The following ANTXR2 variants were observed in gnomAD, a reference collection of about 807,000 sequenced individuals.
The protein encoded by ANTXR2 is ANTXR cell adhesion molecule 2, also known as anthrax toxin receptor 2.
In ANTXR2, 44 loss-of-function variants were observed where a neutral mutation model predicts 73.7. That is an observed-to-expected ratio of 0.60 (90% CI 0.47 to 0.77). The LOEUF (loss-of-function observed/expected upper bound fraction) is 0.77, where lower values mean the gene tolerates loss of function less well. ANTXR2 is among the 30% of genes least tolerant of loss of function. The pLI is 0.00. For synonymous variants in ANTXR2, 217 were observed against 205.9 expected (o/e 1.05, Z -0.46); for missense variants, 604 against 592.5 (o/e 1.02, Z -0.20).
At chr4:80,002,524 C>A (rs1731096594) in intron 12 of ANTXR2, among the ~76,000 whole-genome samples, 1 of 151,984 alleles carries the variant, frequency 6.6e-6, no homozygotes, top group Non-Finnish European at 1.5e-5. Context: ...TCTAAAACAC[C>A]AAAAGCAATG....
At chr4:80,068,129 G>A (rs1403821397) in intron 3 of ANTXR2, among the ~76,000 whole-genome samples, 3 of 152,028 alleles carry the variant, frequency 2.0e-5, no homozygotes, top group Non-Finnish European at 4.4e-5. Flanking sequence ...AATCTTATAC[G>A]GATAATTTTC....
intron 16 of ANTXR2, among the ~76,000 whole-genome samples, chr4:79,960,936 T>C (rs1313221320): frequency 1.3e-5 from 2 of 151,980 alleles, no homozygotes; most frequent in African/African-American, 2.4e-5. Context: ...CATTTATAAG[T>C]ACATTTTTAG....
At chr4:80,013,099 G>C (rs942971776) in intron 11 of ANTXR2, among the ~76,000 whole-genome samples, 2 of 152,116 alleles carry the variant, frequency 1.3e-5, no homozygotes, top group Non-Finnish European at 1.5e-5. Flanking sequence ...AGAAAAAAAA[G>C]GACATCTTTC....
At chr4:79,907,751 C>T (rs186082971) in intron 16 of ANTXR2, among the ~76,000 whole-genome samples, 14 of 152,184 alleles carry the variant, frequency 9.2e-5, no homozygotes, top group South Asian at 6.2e-4. Context: ...ATTACTATCA[C>T]GGCCATAAAA....
At chr4:79,926,811 G>C (rs1004363671) in intron 16 of ANTXR2, among the ~76,000 whole-genome samples, 5 of 151,764 alleles carry the variant, frequency 3.3e-5, no homozygotes, top group Admixed American at 3.3e-4. Context: ...CAGTAGCCAA[G>C]ATATGGAAAC....
intron 16 of ANTXR2, among the ~76,000 whole-genome samples, chr4:79,949,923 T>G (rs2109981007): frequency 1.3e-5 from 2 of 152,272 alleles, no homozygotes; most frequent in South Asian, 4.1e-4. Flanking sequence ...TTAATTATCA[T>G]CCAATATTTT....
At chr4:79,923,099 T>G (rs186710897) in intron 16 of ANTXR2, among the ~76,000 whole-genome samples, 1 of 152,156 alleles carries the variant, frequency 6.6e-6, no homozygotes, top group African/African-American at 2.4e-5. Flanking sequence ...CTTAAAAATA[T>G]TAGCTGAATG....
At chr4:80,052,299 T>C (rs1158223359) in intron 7 of ANTXR2, among the ~76,000 whole-genome samples, 1 of 151,694 alleles carries the variant, frequency 6.6e-6, no homozygotes, top group Non-Finnish European at 1.5e-5. Flanking sequence ...GATGGTACTA[T>C]GCAATTATAA....
At chr4:80,051,465 G>A (rs756395374) in intron 7 of ANTXR2, among the ~76,000 whole-genome samples, 2 of 151,614 alleles carry the variant, frequency 1.3e-5, no homozygotes, top group Non-Finnish European at 1.5e-5. Context: ...GGAAAAAAAG[G>A]AGAAAAAGAA....
chr4:80,010,122 T>G (rs921929004), intron 11 of ANTXR2, among the ~76,000 whole-genome samples: 9 of 151,928 alleles, frequency 5.9e-5, no homozygotes, highest in Non-Finnish European at 1.3e-4. Context: ...TACTAATACT[T>G]TATAGAAATT....
chr4:80,048,014 T>C (rs1675405483), intron 7 of ANTXR2, among the ~76,000 whole-genome samples: 1 of 151,688 alleles, frequency 6.6e-6, no homozygotes, highest in South Asian at 2.1e-4. Flanking sequence ...AATTATCTAA[T>C]GTTCAAATAT....
intron 16 of ANTXR2, among the ~76,000 whole-genome samples, chr4:79,934,268 T>TA (rs1440997182): frequency 1.4e-4 from 22 of 152,264 alleles, no homozygotes; most frequent in African/African-American, 5.3e-4. Context: ...GGCTTATGCC[T>TA]ATATAATCCC....
At chr4:79,932,563 G>A (rs969628637) in intron 16 of ANTXR2, among the ~76,000 whole-genome samples, 15 of 151,752 alleles carry the variant, frequency 9.9e-5, no homozygotes, top group African/African-American at 2.7e-4. Context: ...GAGGCGAGGC[G>A]GGTGGATTGC....
chr4:79,917,275 T>C (rs180959777), intron 16 of ANTXR2, among the ~76,000 whole-genome samples: 2 of 151,448 alleles, frequency 1.3e-5, no homozygotes, highest in East Asian at 2.0e-4. Context: ...TCAAAGGGAA[T>C]AGAAGCAGCC....
intron 7 of ANTXR2, among the ~76,000 whole-genome samples, chr4:80,036,719 T>C (rs1732989202): frequency 6.6e-6 from 1 of 152,012 alleles, no homozygotes; most frequent in Non-Finnish European, 1.5e-5. Context: ...GAGAATCGCT[T>C]TAACACAGCA....
intron 16 of ANTXR2, among the ~76,000 whole-genome samples, chr4:79,961,732 C>G (rs747205383): frequency 1.1e-4 from 16 of 152,164 alleles, no homozygotes; most frequent in Non-Finnish European, 1.5e-4. Flanking sequence ...GAGCCCCACA[C>G]TCAGCCAAAA....
chr4:80,066,436 A>G lies in ANTXR2; in HGVS notation c.296+3000T>C, dbSNP rs183515365. On this transcript the variant is annotated intron_variant, in intron 3 of 16. Transcript: ENST00000403729. ...CAAATAGTGAAATTTATTAAAACTT[A>G]AAGTGTTTATATTTAGGAAGAGACA... 2.6e-3 allele frequency among the ~76,000 whole-genome samples: 402 copies of G among 152,342 alleles called. 1 individual carries two copies. The highest frequency in any genetic ancestry group is 9.4e-3 in the African/African-American group (392 of 41,580).
At position 80,040,208 on chromosome 4, in the gene ANTXR2, C is replaced by T. The variant is rs113428415; in HGVS notation, c.637-4176G>A. Among the ~76,000 whole-genome samples the T allele has an allele frequency of 1.8e-4, 28 of 151,556 alleles. 1 individual carries two copies. The highest frequency in any genetic ancestry group is 6.6e-4 in the African/African-American group (27 of 41,074). ...GTGATGGGATCAACTGGACCCAAAA[C>T]CTCAGTATCATGCAATACACCTAGG... On this transcript the variant is annotated intron_variant, in intron 7 of 16. Transcript: ENST00000403729.
chr4:79,972,999 A>G (rs1224205813), intron 16 of ANTXR2, among the ~76,000 whole-genome samples: 2 of 151,870 alleles, frequency 1.3e-5, no homozygotes, highest in Non-Finnish European at 2.9e-5. Flanking sequence ...TTAACATATA[A>G]AAATGTATAA....
Sources: gnomAD v4.1 joint callset for allele counts (sites outside exome capture counted in the v4.1 genomes callset) on GRCh38, gnomAD v4.1.1 for gene constraint, MANE v1.5 for transcripts, NCBI Gene and HGNC (gene_info 2026-07-23, HGNC 2026-07-21) for gene names.